The following NRXN3 variants were observed in gnomAD, a reference collection of about 807,000 sequenced individuals.
NRXN3 encodes the protein neurexin III.
NRXN3 carries 32 observed loss-of-function variants against 137.6 expected under a neutral mutation model. The ratio of observed to expected loss-of-function variants is 0.23; its 90% CI spans 0.18 to 0.31. The LOEUF is 0.31. NRXN3 is among the 10% of genes least tolerant of loss of function. NRXN3 has a pLI of 1.00. For synonymous variants in NRXN3, 798 were observed against 784.5 expected (o/e 1.02, Z -0.29); for missense variants, 1,574 against 2,062.5 (o/e 0.76, Z 4.59).
chr14:79,173,746 G>T (rs1208312893), intron 15 of NRXN3, among the ~76,000 whole-genome samples: 1 of 152,044 alleles, frequency 6.6e-6, no homozygotes, highest in African/African-American at 2.4e-5. Context: ...CTCATACAAT[G>T]ACTCCATGTG....
chr14:78,341,739 A>G (rs545911015), intron 4 of NRXN3, among the ~76,000 whole-genome samples: 1 of 152,290 alleles, frequency 6.6e-6, no homozygotes, highest in East Asian at 1.9e-4. Context: ...CCAAACACAG[A>G]TTTCTCTCTG....
intron 16 of NRXN3, among the ~76,000 whole-genome samples, chr14:79,474,989 G>A (rs1188805379): frequency 3.9e-5 from 6 of 152,036 alleles, no homozygotes; most frequent in Non-Finnish European, 8.8e-5. Context: ...ACTCTCCTTG[G>A]GTACCAGATA....
intron 15 of NRXN3, among the ~76,000 whole-genome samples, chr14:79,257,424 ATGG>A (rs1568818032): frequency 1.0e-4 from 2 of 19,330 alleles, no homozygotes; most frequent in Admixed American, 6.9e-4. Context: ...GATGGTGGTG[ATGG>A]TGGTGGTGGT....
chr14:78,706,149 A>G (rs550899393), intron 6 of NRXN3, among the ~76,000 whole-genome samples: 171 of 152,148 alleles, frequency 1.1e-3, no homozygotes, highest in Non-Finnish European at 1.6e-3. Context: ...GGGATGACCT[A>G]TTGTTATACA....
At chr14:78,666,490 C>T (rs186652619) in intron 6 of NRXN3, among the ~76,000 whole-genome samples, 43 of 152,230 alleles carry the variant, frequency 2.8e-4, no homozygotes, top group Non-Finnish European at 5.7e-4. Flanking sequence ...AAGAATGGGG[C>T]GTGGTTATGT....
chr14:78,980,292 C>T (rs1172669655), intron 14 of NRXN3, among the ~76,000 whole-genome samples: 1 of 152,212 alleles, frequency 6.6e-6, no homozygotes, highest in Non-Finnish European at 1.5e-5. Context: ...TCTCCCTTAC[C>T]CTCTGCCTGC....
chr14:78,468,163 A>G (rs1380284256), intron 4 of NRXN3, among the ~76,000 whole-genome samples: 1 of 151,974 alleles, frequency 6.6e-6, no homozygotes, highest in Non-Finnish European at 1.5e-5. Flanking sequence ...CAGCTTTATT[A>G]TTGTTAGTGA....
rs140834620 is a variant in NRXN3 at position 78,402,069 on chromosome 14, G to A, written c.757+104209G>A. Reference sequence around the variant, plus strand: ...GATGATTAACTGTTCTGAATGGTGCGGTTTATTACACATTGTACATTGTGT... The same window carrying A: ...GATGATTAACTGTTCTGAATGGTGCAGTTTATTACACATTGTACATTGTGT... On this transcript the variant is annotated intron_variant, in intron 4 of 20. Coordinates refer to ENST00000335750, the MANE Select transcript of NRXN3 (RefSeq NM_001330195.2). Among the ~76,000 whole-genome samples the A allele has an allele frequency of 4.7e-4, 71 of 152,216 alleles. 1 individual carries two copies. The East Asian group carries it at 0.012, about 26-fold the overall frequency.
chr14:78,184,152 A>G (rs113452839), intron 1 of NRXN3, among the ~76,000 whole-genome samples: 1 of 152,240 alleles, frequency 6.6e-6, no homozygotes, highest in African/African-American at 2.4e-5. Flanking sequence ...GAGAATTTTG[A>G]TATCTATCAT....
intron 1 of NRXN3, among the ~76,000 whole-genome samples, chr14:78,209,321 G>A (rs73322257): frequency 0.051 from 7,718 of 152,206 alleles, 353 homozygotes; most frequent in African/African-American, 0.13. Flanking sequence ...GGAGGATTGC[G>A]GAGCAGGGCT....
At chr14:79,502,405 C>G (rs540540756) in intron 16 of NRXN3, among the ~76,000 whole-genome samples, 1 of 152,118 alleles carries the variant, frequency 6.6e-6, no homozygotes, top group South Asian at 2.1e-4. Flanking sequence ...TTTGACACAC[C>G]TCTTTAGGGT....
intron 10 of NRXN3, among the ~76,000 whole-genome samples, chr14:78,816,831 A>C (rs932631444): frequency 1.3e-5 from 2 of 152,100 alleles, no homozygotes; most frequent in Non-Finnish European, 2.9e-5. Flanking sequence ...ATCAAACTGT[A>C]TTTTCATTCT....
intron 15 of NRXN3, among the ~76,000 whole-genome samples, chr14:79,248,191 A>G (rs1295032071): frequency 3.3e-5 from 5 of 152,178 alleles, no homozygotes; most frequent in African/African-American, 4.8e-5. Flanking sequence ...CAGCCCTTCA[A>G]TGACCTCGGC....
At position 78,220,873 on chromosome 14, in the gene NRXN3, AT is replaced by A. The variant is rs369796452; in HGVS notation, c.-703-21507del. Among the ~76,000 whole-genome samples, 427 of 149,166 alleles carry A rather than the reference AT, an allele frequency of 2.9e-3. 1 individual carries two copies. The highest frequency in any genetic ancestry group is 4.3e-3 in the East Asian group (22 of 5,090). ...CAGGCCTTCATGACTAAAAACCTCA[AT>A]TTTTTTTTTTCAGTAAAAAAGGAGC... On this transcript the variant is annotated intron_variant, in intron 1 of 20. Transcript: ENST00000335750.
chr14:78,574,827 A>C (rs2152329932), intron 4 of NRXN3, among the ~76,000 whole-genome samples: 1 of 152,330 alleles, frequency 6.6e-6, no homozygotes, highest in Non-Finnish European at 1.5e-5. Context: ...AAATGTGAGG[A>C]TTAAGCATAA....
chr14:79,012,997 A>C (rs2099573631), intron 15 of NRXN3, among the ~76,000 whole-genome samples: 2 of 152,198 alleles, frequency 1.3e-5, no homozygotes, highest in East Asian at 3.9e-4. Flanking sequence ...TGAGTCCTGC[A>C]TTCTCTGCCT....
Position 79,653,492 on chromosome 14 carries a change from C to CCAT in NRXN3, c.3445-10284_3445-10282dup, listed in dbSNP as rs199989252. Among the ~76,000 whole-genome samples the CCAT allele has an allele frequency of 9.9e-3, 1,505 of 152,258 alleles. 23 individuals are homozygous for CCAT. Among genetic ancestry groups the CCAT allele is most frequent in the African/African-American group, 0.033 (1,383 of 41,548 alleles). ...AATTTTAATGACTTATAACTTTGCT[C>CCAT]CATCTCCTCCATTACCAGACTATTC... is the stretch of plus-strand genomic sequence containing the variant. On this transcript the variant is annotated intron_variant, in intron 16 of 20. Transcript: ENST00000335750.
intron 16 of NRXN3, among the ~76,000 whole-genome samples, chr14:79,609,678 G>C (rs971629119): frequency 1.3e-5 from 2 of 152,002 alleles, no homozygotes; most frequent in African/African-American, 2.4e-5. Flanking sequence ...TTTCACTTGT[G>C]GATTTCATTA....
intron 16 of NRXN3, 109 bp from the exon 17 acceptor site, chr14:79,663,669 C>A: frequency 1.2e-6 from 1 of 803,860 alleles, no homozygotes. Flanking sequence ...TTCATGCTGA[C>A]AGCTCCCTCT....
Sources: gnomAD v4.1 joint callset for allele counts (sites outside exome capture counted in the v4.1 genomes callset) on GRCh38, gnomAD v4.1.1 for gene constraint, MANE v1.5 for transcripts, NCBI Gene and HGNC (gene_info 2026-07-23, HGNC 2026-07-21) for gene names.